The following COX10 variants were observed in gnomAD, a reference collection of about 807,000 sequenced individuals.
The protein encoded by COX10 is protoheme IX farnesyltransferase, mitochondrial.
COX10 carries 27 observed loss-of-function variants against 37.3 expected under a neutral mutation model. The observed-to-expected ratio is 0.72, with a 90% confidence interval of 0.53 to 1.00. The LOEUF is 1.00. Among genes scored for constraint, COX10 ranks in the 50% least tolerant of loss-of-function variants. COX10 has a pLI of 0.00. For synonymous variants in COX10, 222 were observed against 229.1 expected (o/e 0.97, Z 0.28); for missense variants, 475 against 563.2 (o/e 0.84, Z 1.59).
intron 4 of COX10, among the ~76,000 whole-genome samples, chr17:14,142,578 T>C (rs980191541): frequency 6.6e-6 from 1 of 152,224 alleles, no homozygotes; most frequent in African/African-American, 2.4e-5. Context: ...CTAATTCTTT[T>C]TTTCCTTAAA....
At chr17:14,072,004 T>C (rs1238197367) in intron 1 of COX10, among the ~76,000 whole-genome samples, 2 of 152,208 alleles carry the variant, frequency 1.3e-5, no homozygotes, top group Non-Finnish European at 2.9e-5. Context: ...TGGTGAATAA[T>C]AGATATGGTC....
At chr17:14,077,109 A>C (rs752932936) in intron 3 of COX10, 53 bp downstream of exon 3, 4 of 1,560,788 alleles carry the variant, frequency 2.6e-6, no homozygotes, top group Non-Finnish European at 3.5e-6. Flanking sequence ...CTTTAGTGAA[A>C]CAAAAAGCTA....
chr17:14,071,273 T>G (rs910820830), intron 1 of COX10, among the ~76,000 whole-genome samples: 2 of 152,208 alleles, frequency 1.3e-5, no homozygotes, highest in Non-Finnish European at 2.9e-5. Flanking sequence ...TACTGTGAAT[T>G]GCCCAGTTCC....
intron 3 of COX10, among the ~76,000 whole-genome samples, chr17:14,095,459 C>A (rs1365630949): frequency 2.0e-5 from 3 of 152,276 alleles, no homozygotes; most frequent in Admixed American, 1.3e-4. Flanking sequence ...GTAAATTTTC[C>A]TCCACTCCAA....
chr17:14,204,645 A>G (rs1449795788), intron 6 of COX10, among the ~76,000 whole-genome samples: 1 of 151,994 alleles, frequency 6.6e-6, no homozygotes, highest in Non-Finnish European at 1.5e-5. Context: ...AGGCCCCTCC[A>G]GTGTATCCTT....
intron 4 of COX10, among the ~76,000 whole-genome samples, chr17:14,126,371 T>G (rs1362642023): frequency 6.6e-6 from 1 of 152,190 alleles, no homozygotes; most frequent in East Asian, 1.9e-4. Flanking sequence ...AAGTTTCTGA[T>G]TTCTATAATC....
intron 4 of COX10, among the ~76,000 whole-genome samples, chr17:14,154,763 A>C (rs1597525176): frequency 6.6e-6 from 1 of 152,150 alleles, no homozygotes; most frequent in African/African-American, 2.4e-5. Context: ...TTGTTGGAGA[A>C]ATTATTCCCA....
intron 5 of COX10, 85 bp downstream of exon 5, chr17:14,160,032 G>T: frequency 8.1e-7 from 1 of 1,237,104 alleles, no homozygotes; most frequent in South Asian, 1.3e-5. Flanking sequence ...ATTTTGCTTT[G>T]AGCTGCGAAG....
At chr17:14,087,697 T>C (rs2142190257) in intron 3 of COX10, among the ~76,000 whole-genome samples, 1 of 152,168 alleles carries the variant, frequency 6.6e-6, no homozygotes, top group East Asian at 1.9e-4. Flanking sequence ...TTTTTTTTTT[T>C]TTTTAAACCA....
At chr17:14,203,305 G>A (rs1906600135) in intron 6 of COX10, among the ~76,000 whole-genome samples, 1 of 152,034 alleles carries the variant, frequency 6.6e-6, no homozygotes, top group Non-Finnish European at 1.5e-5. Flanking sequence ...TAACCCTACT[G>A]AAATAGGGAC....
intron 6 of COX10, among the ~76,000 whole-genome samples, chr17:14,195,653 C>T (rs1386496164): frequency 6.6e-6 from 1 of 152,178 alleles, no homozygotes; most frequent in African/African-American, 2.4e-5. Flanking sequence ...TGTGGTCTCA[C>T]TAAAGTCTAA....
intron 5 of COX10, among the ~76,000 whole-genome samples, chr17:14,170,898 A>C (rs1189896820): frequency 6.6e-6 from 1 of 152,230 alleles, no homozygotes; most frequent in Non-Finnish European, 1.5e-5. Context: ...CATGTAAATA[A>C]AAGTACATTG....
intron 5 of COX10, among the ~76,000 whole-genome samples, chr17:14,181,819 G>A (rs1219664844): frequency 6.6e-6 from 1 of 152,086 alleles, no homozygotes; most frequent in Non-Finnish European, 1.5e-5. Context: ...TGGAAACTCT[G>A]ATTTTCATAG....
intron 4 of COX10, among the ~76,000 whole-genome samples, chr17:14,114,010 C>A (rs1322598564): frequency 6.6e-6 from 1 of 152,114 alleles, no homozygotes; most frequent in Admixed American, 6.6e-5. Flanking sequence ...ACTCAGTTGT[C>A]TGAGGTCAGT....
intron 3 of COX10, among the ~76,000 whole-genome samples, chr17:14,093,894 A>G (rs971010610): frequency 3.3e-5 from 5 of 152,220 alleles, no homozygotes; most frequent in African/African-American, 9.6e-5. Flanking sequence ...AGTACTTACT[A>G]AAGAATATTC....
chr17:14,097,812 G>T (rs1014200102), intron 3 of COX10, among the ~76,000 whole-genome samples: 2 of 152,110 alleles, frequency 1.3e-5, no homozygotes, highest in Non-Finnish European at 1.5e-5. Context: ...TGTGGATCTG[G>T]ATATTTAGAG....
At chr17:14,163,091 G>A (rs1398016463) in intron 5 of COX10, among the ~76,000 whole-genome samples, 2 of 152,118 alleles carry the variant, frequency 1.3e-5, no homozygotes, top group East Asian at 3.8e-4. Flanking sequence ...ATAATCATGT[G>A]CGTGTTAGGA....
intron 3 of COX10, among the ~76,000 whole-genome samples, chr17:14,090,242 T>G (rs1915496354): frequency 1.3e-5 from 2 of 152,126 alleles, no homozygotes; most frequent in South Asian, 2.1e-4. Context: ...ATTTTGGGTT[T>G]TATGAAGGGC....
rs78203737 is a variant in COX10 at position 14,134,982 on chromosome 17, G to A, written c.625-24895G>A. On this transcript the variant is annotated intron_variant, in intron 4 of 6. Transcript: ENST00000261643. ...TTTTGAGTCTGTCTAAATGGCCAAA[G>A]CATAGCACTATTTTTTCTTTTATTC... 9.9e-3 allele frequency among the ~76,000 whole-genome samples: 1,505 copies of A among 151,724 alleles called. 20 individuals carry two copies. The highest frequency in any genetic ancestry group is 0.034 in the African/African-American group (1,423 of 41,468).
Sources: allele counts gnomAD v4.1 joint callset (sites outside exome capture counted in the v4.1 genomes callset), GRCh38; gene constraint gnomAD v4.1.1; transcripts MANE v1.5; gene names NCBI Gene and HGNC (gene_info 2026-07-23, HGNC 2026-07-21).